Variants in DLG2 observed in about 807,000 individuals in gnomAD.
DLG2 encodes the protein disks large homolog 2.
In DLG2, 45 loss-of-function variants were observed where a neutral mutation model predicts 132.5. That is an observed-to-expected ratio of 0.34 (90% CI 0.27 to 0.44). The LOEUF is 0.44. Among genes scored for constraint, DLG2 ranks in the 20% least tolerant of loss-of-function variants. The pLI is 1.00. For missense variants in DLG2, 1,045 were observed against 1,196.9 expected (o/e 0.87, Z 1.87); for synonymous variants, 424 against 419.6 (o/e 1.01, Z -0.13).
intron 11 of DLG2, among the ~76,000 whole-genome samples, chr11:83,990,296 A>G (rs1463185074): frequency 6.6e-6 from 1 of 152,160 alleles, no homozygotes; most frequent in Admixed American, 6.6e-5. Flanking sequence ...TACATCAATT[A>G]TAGAAAGCTG....
intron 18 of DLG2, among the ~76,000 whole-genome samples, chr11:83,700,208 C>CTTGACACACAGTAAGCA (rs918801517): frequency 6.6e-6 from 1 of 152,008 alleles, no homozygotes; most frequent in African/African-American, 2.4e-5. Flanking sequence ...TACCATGGGG[C>CTTGACACACAGTAAGCA]TTGACACACA....
At chr11:83,864,970 A>G (rs2062049082) in intron 16 of DLG2, among the ~76,000 whole-genome samples, 1 of 152,128 alleles carries the variant, frequency 6.6e-6, no homozygotes, top group Non-Finnish European at 1.5e-5. Flanking sequence ...CAAGGTACCA[A>G]CAGAATGAAA....
chr11:85,121,870 A>G lies in DLG2; in HGVS notation c.283-10135T>C, dbSNP rs77427124. ...TACATATGTGTGTACATGTATGTAT[A>G]TATGCTAAAACATTTGTGTATATGT... On this transcript the variant is annotated intron_variant, in intron 5 of 27. Coordinates refer to ENST00000376104, the MANE Select transcript of DLG2 (RefSeq NM_001142699.3). Among the ~76,000 whole-genome samples, 333 of 152,296 alleles carry G rather than the reference A, an allele frequency of 2.2e-3. 2 individuals carry two copies. Among genetic ancestry groups the G allele is most frequent in the African/African-American group, 7.9e-3 (329 of 41,566 alleles).
chr11:84,763,680 G>T (rs2067977073), intron 6 of DLG2, among the ~76,000 whole-genome samples: 1 of 152,112 alleles, frequency 6.6e-6, no homozygotes, highest in South Asian at 2.1e-4. Context: ...CCTCCCTCAG[G>T]AGAAGAAAGA....
At chr11:84,750,884 G>A (rs1205231131) in intron 6 of DLG2, among the ~76,000 whole-genome samples, 2 of 152,138 alleles carry the variant, frequency 1.3e-5, no homozygotes, top group East Asian at 1.9e-4. Flanking sequence ...TTTGTTTTTA[G>A]TACCTAATTA....
At chr11:85,376,531 G>C (rs2085418564) in intron 3 of DLG2, among the ~76,000 whole-genome samples, 1 of 152,128 alleles carries the variant, frequency 6.6e-6, no homozygotes, top group Non-Finnish European at 1.5e-5. Context: ...CTGGGCAAGA[G>C]AGCAGATGTT....
intron 6 of DLG2, among the ~76,000 whole-genome samples, chr11:84,861,019 A>G (rs2083541451): frequency 6.6e-6 from 1 of 152,128 alleles, no homozygotes; most frequent in Admixed American, 6.6e-5. Context: ...GGGACTTTTA[A>G]GGAGCTCACA....
chr11:85,495,176 G>A (rs369609086), intron 3 of DLG2, among the ~76,000 whole-genome samples: 32 of 152,214 alleles, frequency 2.1e-4, no homozygotes, highest in African/African-American at 7.0e-4. Context: ...CAAAAGTACT[G>A]ACAATAAACG....
chr11:84,576,684 G>A (rs2099500984), intron 6 of DLG2, among the ~76,000 whole-genome samples: 1 of 152,284 alleles, frequency 6.6e-6, no homozygotes, highest in Non-Finnish European at 1.5e-5. Flanking sequence ...TGCAAGTAAT[G>A]AGGATAAAGT....
In DLG2 at chr11:84,671,085, C is replaced by T. The variant is rs577135764; in HGVS notation, c.358-136354G>A. On this transcript the variant is annotated intron_variant, in intron 6 of 27. Transcript: ENST00000376104. ...CTCTTTCCACACTTCTGGGATTTAC[C>T]GAGTACAATAATTTTTTTTTTTTTT... is the stretch of plus-strand genomic sequence containing the variant. 1.3e-4 allele frequency among the ~76,000 whole-genome samples: 20 copies of T among 151,250 alleles called. No individual in the cohort carries two copies. The East Asian group carries it at 2.1e-3, about 16-fold the overall frequency.
At chr11:84,731,072 A>G (rs888682792) in intron 6 of DLG2, among the ~76,000 whole-genome samples, 5 of 152,036 alleles carry the variant, frequency 3.3e-5, no homozygotes, top group East Asian at 3.9e-4. Flanking sequence ...ACCTTTTGGT[A>G]CAGTGTGTGA....
chr11:83,884,386 A>T (rs1973692), intron 15 of DLG2, among the ~76,000 whole-genome samples: 370 of 152,184 alleles, frequency 2.4e-3, no homozygotes, highest in African/African-American at 8.5e-3. Flanking sequence ...CAGCGAGGCT[A>T]GGGGGAGGGG....
intron 6 of DLG2, among the ~76,000 whole-genome samples, chr11:84,631,008 TCTCTCTCTCTCACACACACA>T (rs1296521929): frequency 1.5e-5 from 2 of 130,036 alleles, no homozygotes; most frequent in African/African-American, 6.5e-5. Flanking sequence ...TCTCTCTCTC[TCTCTCTCTCTCACACACACA>T]CACACACACA....
chr11:84,662,604 T>C (rs1360569397), intron 6 of DLG2, among the ~76,000 whole-genome samples: 2 of 151,886 alleles, frequency 1.3e-5, no homozygotes, highest in Non-Finnish European at 2.9e-5. Flanking sequence ...CCAGCCAACA[T>C]GGTGAAACTC....
At chr11:83,601,531 T>TTG (rs2058558057) in intron 19 of DLG2, among the ~76,000 whole-genome samples, 1 of 140,790 alleles carries the variant, frequency 7.1e-6, no homozygotes, top group South Asian at 2.3e-4. Context: ...TTTTTTTTTT[T>TTG]GACAAGGTCT....
chr11:85,141,251 A>G (rs1222397321), intron 5 of DLG2, among the ~76,000 whole-genome samples: 1 of 151,850 alleles, frequency 6.6e-6, no homozygotes, highest in Non-Finnish European at 1.5e-5. Flanking sequence ...CCTTTTGGAT[A>G]AAAGCCATTT....
At chr11:84,011,225 C>T (rs533703514) in intron 11 of DLG2, among the ~76,000 whole-genome samples, 2 of 152,030 alleles carry the variant, frequency 1.3e-5, no homozygotes, top group African/African-American at 4.8e-5. Flanking sequence ...AATCCTAGCA[C>T]TTTGGGAGGC....
chr11:85,454,480 T>C (rs2153046760), intron 3 of DLG2, among the ~76,000 whole-genome samples: 1 of 152,264 alleles, frequency 6.6e-6, no homozygotes, highest in African/African-American at 2.4e-5. Context: ...ATTCTTTAGG[T>C]TGTATCTTTA....
At chr11:85,217,858 G>A (rs1405395530) in intron 4 of DLG2, among the ~76,000 whole-genome samples, 1 of 152,138 alleles carries the variant, frequency 6.6e-6, no homozygotes, top group Non-Finnish European at 1.5e-5. Flanking sequence ...GCCAATGTCA[G>A]GAAGAGTATT....
Sources: gnomAD v4.1 joint callset for allele counts (sites outside exome capture counted in the v4.1 genomes callset) on GRCh38, gnomAD v4.1.1 for gene constraint, MANE v1.5 for transcripts, NCBI Gene and HGNC (gene_info 2026-07-23, HGNC 2026-07-21) for gene names.